Variants in HOMER1 observed in about 807,000 individuals in gnomAD.
The protein encoded by HOMER1 is homer protein homolog 1.
A neutral mutation model predicts 48.9 loss-of-function variants in HOMER1; 3 were observed. The observed-to-expected ratio is 0.06, with a 90% CI of 0.03 to 0.16. The LOEUF is 0.16. Ranked by LOEUF, HOMER1 falls within the 10% of genes least tolerant of loss-of-function variation. HOMER1 has a pLI of 1.00. For synonymous variants in HOMER1, 134 were observed against 146.4 expected (o/e 0.92, Z 0.61); for missense variants, 247 against 411.4 (o/e 0.60, Z 3.46).
rs200502539 is a variant in HOMER1, at chr5:79,413,756, T to G, written c.528-11701A>C. ...TGGGCTAGGTGCTTTCATATCAGCCTGTTGGCCCTAAGCTATAATAGGTCA... is the reference window on the plus strand; with the variant it reads ...TGGGCTAGGTGCTTTCATATCAGCCGGTTGGCCCTAAGCTATAATAGGTCA... On this transcript the variant is annotated intron_variant, in intron 5 of 8. Coordinates refer to ENST00000334082, the MANE Select transcript of HOMER1 (RefSeq NM_004272.5). 4.6e-5 allele frequency among the ~76,000 whole-genome samples: 7 copies of G among 151,950 alleles called. No homozygotes were observed. In the East Asian group the frequency reaches 1.2e-3, roughly 25 times the overall value.
chr5:79,386,782 G>A (rs528852438), intron 8 of HOMER1, among the ~76,000 whole-genome samples: 1 of 152,202 alleles, frequency 6.6e-6, no homozygotes, highest in African/African-American at 2.4e-5. Context: ...CAAAAACAAA[G>A]TATAAAATCC....
intron 8 of HOMER1, among the ~76,000 whole-genome samples, 191 bp from the exon 9 acceptor site, chr5:79,376,388 A>T: frequency 6.6e-6 from 1 of 152,158 alleles, no homozygotes; most frequent in Non-Finnish European, 1.5e-5. Flanking sequence ...GATTTTAATG[A>T]CTGGCTTGGT....
intron 1 of HOMER1, among the ~76,000 whole-genome samples, chr5:79,462,923 T>C (rs1474740629): frequency 1.3e-5 from 2 of 152,220 alleles, no homozygotes; most frequent in Non-Finnish European, 2.9e-5. Flanking sequence ...ATGCCTAGCT[T>C]AGAAGTATCC....
intron 6 of HOMER1, 89 bp from the exon 7 acceptor site, chr5:79,397,726 T>C (rs1013997595): frequency 8.0e-6 from 5 of 623,024 alleles, no homozygotes; most frequent in African/African-American, 7.7e-5. Flanking sequence ...GTGAATAGTA[T>C]ATTCTGAATA....
intron 1 of HOMER1, among the ~76,000 whole-genome samples, chr5:79,497,226 A>G (rs1356003513): frequency 1.3e-5 from 2 of 152,174 alleles, no homozygotes; most frequent in Admixed American, 1.3e-4. Flanking sequence ...GTAGTTTAAA[A>G]CCATACATTC....
intron 1 of HOMER1, among the ~76,000 whole-genome samples, chr5:79,497,662 G>GAAAAAAAAAAAAAA (rs1212983044): frequency 2.7e-5 from 2 of 73,082 alleles, no homozygotes; most frequent in African/African-American, 4.6e-5. Context: ...CTGTCTCAAA[G>GAAAAAAAAAAAAAA]AAAAAAAAAA....
intron 1 of HOMER1, among the ~76,000 whole-genome samples, chr5:79,483,412 T>A (rs1241091984): frequency 6.6e-6 from 1 of 152,094 alleles, no homozygotes; most frequent in African/African-American, 2.4e-5. Context: ...ATAGAGGTGA[T>A]GGTTACATAA....
chr5:79,432,130 C>T (rs906313392), intron 5 of HOMER1, among the ~76,000 whole-genome samples: 1 of 152,210 alleles, frequency 6.6e-6, no homozygotes, highest in African/African-American at 2.4e-5. Context: ...CCTAGGTTTA[C>T]ACCTTGATCT....
At chr5:79,434,426 C>A (rs543216314) in intron 5 of HOMER1, among the ~76,000 whole-genome samples, 4 of 151,828 alleles carry the variant, frequency 2.6e-5, no homozygotes, top group Admixed American at 2.6e-4. Flanking sequence ...GAGAACAAAA[C>A]CTTCCCTCTT....
intron 1 of HOMER1, among the ~76,000 whole-genome samples, chr5:79,497,079 AAAGG>A (rs1483837884): frequency 1.3e-5 from 2 of 150,962 alleles, no homozygotes; most frequent in African/African-American, 2.4e-5. Flanking sequence ...AAAAAAAAAA[AAAGG>A]AAAGAAAGAA....
chr5:79,407,350 G>T (rs976625859), intron 5 of HOMER1, among the ~76,000 whole-genome samples: 25 of 151,572 alleles, frequency 1.6e-4, no homozygotes, highest in African/African-American at 6.1e-4. Flanking sequence ...TGTCAAGAAA[G>T]AAAGCAATCA....
intron 1 of HOMER1, among the ~76,000 whole-genome samples, chr5:79,468,332 C>T (rs1695059548): frequency 6.6e-6 from 1 of 152,052 alleles, no homozygotes; most frequent in African/African-American, 2.4e-5. Flanking sequence ...CAAGTATTTC[C>T]AATAAACATT....
intron 5 of HOMER1, among the ~76,000 whole-genome samples, chr5:79,415,820 T>C (rs919145786): frequency 2.0e-5 from 3 of 152,206 alleles, no homozygotes; most frequent in Admixed American, 2.0e-4. Flanking sequence ...TAACAGCTGG[T>C]TAAAAGTTCA....
At chr5:79,473,276 C>G (rs1272660741) in intron 1 of HOMER1, among the ~76,000 whole-genome samples, 1 of 152,150 alleles carries the variant, frequency 6.6e-6, no homozygotes, top group Non-Finnish European at 1.5e-5. Context: ...GAATGTGGCC[C>G]AACACAAATT....
At chr5:79,398,344 C>A (rs1031189714) in intron 6 of HOMER1, among the ~76,000 whole-genome samples, 1 of 151,754 alleles carries the variant, frequency 6.6e-6, no homozygotes, top group Non-Finnish European at 1.5e-5. Context: ...CACACACACA[C>A]CCTATCACAG....
rs184037003 is a variant in HOMER1 at position 79,405,840 on chromosome 5, A to G, written c.528-3785T>C. On this transcript the variant is annotated intron_variant, in intron 5 of 8. Coordinates refer to ENST00000334082, the MANE Select transcript of HOMER1 (RefSeq NM_004272.5). ...TTCAACACTAATAAAAACCTCAAAT[A>G]TAAATATTTTAGCTCTCACATCAGG... is the stretch of plus-strand genomic sequence containing the variant. 1.6e-4 allele frequency among the ~76,000 whole-genome samples: 25 copies of G among 152,356 alleles called. No individual in the cohort carries two copies. The East Asian group carries it at 3.9e-3, about 23-fold the overall frequency.
intron 8 of HOMER1, among the ~76,000 whole-genome samples, chr5:79,379,110 AT>A (rs1748865405): frequency 1.1e-5 from 1 of 95,010 alleles, no homozygotes; most frequent in Non-Finnish European, 2.0e-5. Flanking sequence ...ATATATATAT[AT>A]ATAAAATATA....
Position 79,431,948 on chromosome 5 carries a change from T to G in HOMER1, c.527+7062A>C, listed in dbSNP as rs535385122. The stretch of plus-strand genomic sequence containing the variant: ...TTTACAGAGATTTCTTTTAAAGATG[T>G]AGACTAGAAACTATGTGGGTTACCT... On this transcript the variant is annotated intron_variant, in intron 5 of 8. Coordinates refer to ENST00000334082, the MANE Select transcript of HOMER1 (RefSeq NM_004272.5). 2.0e-5 allele frequency among the ~76,000 whole-genome samples: 3 copies of G among 152,344 alleles called. No homozygotes were observed. In the East Asian group the frequency reaches 5.8e-4, roughly 29 times the overall value.
intron 8 of HOMER1, among the ~76,000 whole-genome samples, chr5:79,390,130 TA>T (rs1277866497): frequency 6.6e-6 from 1 of 151,472 alleles, no homozygotes; most frequent in Non-Finnish European, 1.5e-5. Context: ...TACAAAAAAT[TA>T]AAAAATTAGC....
Sources: gnomAD v4.1 joint callset for allele counts (sites outside exome capture counted in the v4.1 genomes callset) on GRCh38, gnomAD v4.1.1 for gene constraint, MANE v1.5 for transcripts, NCBI Gene and HGNC (gene_info 2026-07-23, HGNC 2026-07-21) for gene names.